PCDHA11: variants seen among roughly 807,000 people sequenced by gnomAD.
PCDHA11 encodes the protein protocadherin alpha 11.
In PCDHA11, 61 loss-of-function variants were observed where a neutral mutation model predicts 70.3. That is an observed-to-expected ratio of 0.87 (90% CI 0.71 to 1.07). The LOEUF (loss-of-function observed/expected upper bound fraction) is 1.07. Ranked by LOEUF, PCDHA11 falls within the 50% of genes least tolerant of loss-of-function variation. The probability of loss-of-function intolerance (pLI) is 0.00; values close to 1 mark genes in which losing one functional copy is unlikely to be tolerated. For missense variants in PCDHA11, 1,324 were observed against 1,237.5 expected (o/e 1.07, Z -1.05); for synonymous variants, 633 against 555.1 (o/e 1.14, Z -1.97).
chr5:140,969,781 A>G (rs1017019880), intron 1 of PCDHA11, among the ~76,000 whole-genome samples: 3 of 152,336 alleles, frequency 2.0e-5, no homozygotes, highest in East Asian at 1.9e-4. Flanking sequence ...AGGGGCTATC[A>G]TAGTCACCAC....
At chr5:140,945,722 A>G (rs2093833983) in intron 1 of PCDHA11, among the ~76,000 whole-genome samples, 1 of 152,110 alleles carries the variant, frequency 6.6e-6, no homozygotes, top group African/African-American at 2.4e-5. Context: ...TCAAGAATAT[A>G]CAATGGAAAA....
At chr5:140,888,118 T>C (rs2061702019) in intron 1 of PCDHA11, among the ~76,000 whole-genome samples, 1 of 152,228 alleles carries the variant, frequency 6.6e-6, no homozygotes, top group Non-Finnish European at 1.5e-5. Context: ...TCTATCTTCT[T>C]CTATGGATAT....
At chr5:140,883,538 G>A (rs782240531) in intron 1 of PCDHA11, 1 of 1,614,230 alleles carries the variant, frequency 6.2e-7, no homozygotes, top group Admixed American at 1.7e-5. Flanking sequence ...CTATGAACTG[G>A]TGGTGACCGC....
intron 1 of PCDHA11, among the ~76,000 whole-genome samples, chr5:140,887,453 T>C (rs2061454477): frequency 6.6e-6 from 1 of 152,178 alleles, no homozygotes; most frequent in Non-Finnish European, 1.5e-5. Flanking sequence ...TGACAGTTTT[T>C]TAAAAGATAT....
Position 140,895,072 on chromosome 5 carries a change from A to C in PCDHA11, c.2391+23578A>C, listed in dbSNP as rs974661383. On this transcript the variant is annotated intron_variant, in intron 1 of 3. Coordinates refer to ENST00000398640, the MANE Select transcript of PCDHA11 (RefSeq NM_018902.5). ...TCTGCTTCATATGGACTCAATTCCT[A>C]TCAGTTCCTCCTCAGTATAGGGGTT... 2.6e-5 allele frequency among the ~76,000 whole-genome samples: 4 copies of C among 152,208 alleles called. No homozygotes were observed. In the South Asian group the frequency reaches 6.2e-4, roughly 24 times the overall value.
intron 3 of PCDHA11, among the ~76,000 whole-genome samples, chr5:141,000,552 C>T (rs2097946627): frequency 1.3e-5 from 2 of 149,102 alleles, no homozygotes; most frequent in Admixed American, 1.3e-4. Context: ...CTCAAACTCC[C>T]GAGTAGCTGG....
At chr5:140,997,603 C>T (rs781897268) in intron 3 of PCDHA11, among the ~76,000 whole-genome samples, 2 of 151,824 alleles carry the variant, frequency 1.3e-5, no homozygotes, top group African/African-American at 2.4e-5. Flanking sequence ...GATTATGGGG[C>T]GCATGACTAT....
chr5:140,876,250 A>T, intron 1 of PCDHA11: 1 of 1,614,046 alleles, frequency 6.2e-7, no homozygotes, highest in South Asian at 1.1e-5. Flanking sequence ...AAACGACACA[A>T]GAGTGATCCA....
chr5:140,976,287 AAGCCTGTAATCCC>A (rs1253731489), intron 1 of PCDHA11, among the ~76,000 whole-genome samples: 3 of 152,196 alleles, frequency 2.0e-5, no homozygotes, highest in Admixed American at 6.5e-5. Flanking sequence ...ACAGTGGCTC[AAGCCTGTAATCCC>A]AGCACTTTGG....
chr5:140,995,449 A>G (rs1279825778), intron 3 of PCDHA11, among the ~76,000 whole-genome samples: 18 of 152,120 alleles, frequency 1.2e-4, no homozygotes, highest in African/African-American at 3.9e-4. Flanking sequence ...AAACTTATGA[A>G]TTGTTTATTT....
chr5:140,967,508 C>G (rs2096150874), intron 1 of PCDHA11: 2 of 1,612,712 alleles, frequency 1.2e-6, no homozygotes, highest in Non-Finnish European at 1.7e-6. Flanking sequence ...TGTGCGTGTC[C>G]TGGACACTAA....
intron 1 of PCDHA11, among the ~76,000 whole-genome samples, chr5:140,872,165 CT>C (rs781807025): frequency 1.6e-3 from 233 of 143,900 alleles, no homozygotes; most frequent in Middle Eastern, 3.6e-3. Context: ...ATTTACTTTT[CT>C]TTTTTTTTTT....
chr5:140,891,589 C>T (rs1459113596), intron 1 of PCDHA11, among the ~76,000 whole-genome samples: 1 of 152,166 alleles, frequency 6.6e-6, no homozygotes, highest in East Asian at 1.9e-4. Context: ...TCTTATTACT[C>T]TATCCCATCT....
chr5:140,882,323 C>G, intron 1 of PCDHA11: 1 of 1,614,216 alleles, frequency 6.2e-7, no homozygotes, highest in African/African-American at 1.3e-5. Context: ...GCTCTGGCTT[C>G]TGATCCTCGC....
intron 1 of PCDHA11, among the ~76,000 whole-genome samples, chr5:140,896,646 G>C (rs1330006792): frequency 6.6e-6 from 1 of 152,078 alleles, no homozygotes; most frequent in Non-Finnish European, 1.5e-5. Flanking sequence ...CAAAGTGCTA[G>C]TATTACAGGC....
intron 1 of PCDHA11, chr5:140,969,097 C>G (rs2096295003): frequency 6.2e-7 from 1 of 1,614,072 alleles, no homozygotes; most frequent in African/African-American, 1.3e-5. Flanking sequence ...TGCAGCCTCA[C>G]TTCATTGAAG....
chr5:140,881,362 G>C, intron 1 of PCDHA11: 6 of 985,132 alleles, frequency 6.1e-6, no homozygotes, highest in Non-Finnish European at 7.2e-6. Context: ...CGTGGCTTTC[G>C]TATGAATTGC....
chr5:140,969,106 A>G, intron 1 of PCDHA11: 1 of 1,614,132 alleles, frequency 6.2e-7, no homozygotes, highest in Non-Finnish European at 8.5e-7. Flanking sequence ...ACTTCATTGA[A>G]GTTCGAGGGA....
chr5:140,921,630 A>G lies in PCDHA11; in HGVS notation c.2391+50136A>G, dbSNP rs554698507. ...AGAAAAATATCATCAGATCATCATTATGGTAGCTATTTTAAGGGAACTTAA... is the reference window on the plus strand; with the variant it reads ...AGAAAAATATCATCAGATCATCATTGTGGTAGCTATTTTAAGGGAACTTAA... On this transcript the variant is annotated intron_variant, in intron 1 of 3. Coordinates refer to ENST00000398640, the MANE Select transcript of PCDHA11 (RefSeq NM_018902.5). Among the ~76,000 whole-genome samples, 4 of 152,344 alleles carry G rather than the reference A, an allele frequency of 2.6e-5. No homozygotes were observed. The South Asian group carries it at 8.3e-4, about 32-fold the overall frequency.
Sources: gnomAD v4.1 joint callset for allele counts (sites outside exome capture counted in the v4.1 genomes callset) on GRCh38, gnomAD v4.1.1 for gene constraint, MANE v1.5 for transcripts, NCBI Gene and HGNC (gene_info 2026-07-23, HGNC 2026-07-21) for gene names.